Variants in PML observed in about 807,000 individuals in gnomAD.
The protein encoded by PML is PML nuclear body scaffold.
Under a neutral mutation model 65.2 loss-of-function variants are expected in PML, and 28 were observed. That is an observed-to-expected ratio of 0.43 (90% CI 0.32 to 0.59). PML has a LOEUF of 0.59. PML is among the 20% of genes least tolerant of loss of function. The probability of loss-of-function intolerance (pLI) is 0.08; values close to 1 mark genes in which losing one functional copy is unlikely to be tolerated. For missense variants in PML, 1,021 were observed against 1,203.4 expected, an observed-to-expected ratio of 0.85 and a Z score of 2.24; for synonymous variants, 500 against 508.8, an observed-to-expected ratio of 0.98 and a Z score of 0.23.
chr15:74,004,571 G>A (rs1415421583), intron 2 of PML, among the ~76,000 whole-genome samples: 1 of 152,138 alleles, frequency 6.6e-6, no homozygotes, highest in Non-Finnish European at 1.5e-5. Flanking sequence ...AAAGCACTGG[G>A]ATTACAGGCT....
At position 74,035,567 on chromosome 15, in the gene PML, C is replaced by T. The variant is rs1035953351; in HGVS notation, c.1710+1037C>T. On this transcript the variant is annotated intron_variant, in intron 7 of 8. Coordinates refer to ENST00000268058, the MANE Select transcript of PML (RefSeq NM_033238.3). This position sits in a 1 kb window ranked among gnomAD's most constrained non-coding sequence, Gnocchi z 4.1. The stretch of plus-strand genomic sequence containing the variant: ...GCACTCCTGCCATCACAGGGCCCCT[C>T]AACCATCCTGCCAATGCCCAGGAAC... 4.3e-6 allele frequency: 7 copies of T among 1,611,292 alleles called. No individual in the cohort carries two copies. Among genetic ancestry groups the T allele is most frequent in the Non-Finnish European group, 5.1e-6 (6 of 1,179,720 alleles).
chr15:74,024,365 A>C (rs2070980530), intron 3 of PML, among the ~76,000 whole-genome samples: 1 of 152,198 alleles, frequency 6.6e-6, no homozygotes, highest in Non-Finnish European at 1.5e-5. Flanking sequence ...ACCCATATTA[A>C]GGAAATGACC....
intron 4 of PML, among the ~76,000 whole-genome samples, chr15:74,031,115 C>T (rs891391118): frequency 3.9e-5 from 6 of 152,042 alleles, no homozygotes. Flanking sequence ...AAGGAAACCC[C>T]TTACCCATGA....
In PML at chr15:74,043,315, G is replaced by A; in HGVS notation, c.1861+176G>A. Reference sequence around the variant, plus strand: ...TGGGCTCCTGGCGTGTCATTTGCTGGCTTGAATAAAGATGTCCGCCTTATC... The same window carrying A: ...TGGGCTCCTGGCGTGTCATTTGCTGACTTGAATAAAGATGTCCGCCTTATC... On this transcript the variant is annotated intron_variant, in intron 8 of 8. Transcript: ENST00000268058. The surrounding 1 kb of genome is among the most constrained non-coding windows in gnomAD (Gnocchi z 4.3). The A allele has an allele frequency of 6.8e-7, 1 of 1,477,820 alleles. No homozygotes were observed. The highest frequency in any genetic ancestry group is 1.4e-5 in the African/African-American group (1 of 70,822). The allele number at this position is 1,477,820 out of a possible 1,614,324, so 91.5% of individuals were successfully genotyped here.
In PML at chr15:74,045,966, G is replaced by C. The variant is rs189873833; in HGVS notation, c.*958G>C. Reference sequence around the variant, plus strand: ...TGGTGCATGCTCAAGTTTGAGAACCGCTGCTCTCATAGACTGCTCCTCCAA... The same window carrying C: ...TGGTGCATGCTCAAGTTTGAGAACCCCTGCTCTCATAGACTGCTCCTCCAA... On this transcript the variant is annotated 3_prime_UTR_variant, in exon 9 of 9. Transcript: ENST00000268058. 54 of 232,198 alleles carry C rather than the reference G, an allele frequency of 2.3e-4. No individual in the cohort carries two copies. Among genetic ancestry groups the C allele is most frequent in the Non-Finnish European group, 4.1e-4 (48 of 117,484 alleles). 14.4% of individuals were successfully genotyped at this position (232,198 alleles called of 1,614,324 possible). A position where few individuals can be genotyped will look rare whatever the true frequency, so the allele number is the denominator to read the frequency against.
intron 2 of PML, among the ~76,000 whole-genome samples, chr15:74,000,608 C>T (rs576344560): frequency 6.6e-6 from 1 of 152,266 alleles, no homozygotes; most frequent in South Asian, 2.1e-4. Flanking sequence ...GTACCCATCC[C>T]CTCCTGTATA....
intron 7 of PML, chr15:74,036,957 G>A (rs549230346): frequency 2.2e-5 from 22 of 985,302 alleles, no homozygotes; most frequent in East Asian, 2.3e-4. Flanking sequence ...CTCCAGCCCC[G>A]CGCACTCCCC....
rs1258741942 is a variant in PML, at chr15:74,001,439, A to G, written c.602+2963A>G. On this transcript the variant is annotated intron_variant, in intron 2 of 8. Coordinates refer to ENST00000268058, the MANE Select transcript of PML (RefSeq NM_033238.3). ...ACTGCAACCTGTGCCTCCTGGGTTCAAGTGATTCTCCTGCCTCAGCCTCCC... is the reference window on the plus strand; with the variant it reads ...ACTGCAACCTGTGCCTCCTGGGTTCGAGTGATTCTCCTGCCTCAGCCTCCC... Among the ~76,000 whole-genome samples, 7 of 152,056 alleles carry G rather than the reference A, an allele frequency of 4.6e-5. No homozygotes were observed. The East Asian group carries it at 1.4e-3, about 29-fold the overall frequency.
chr15:74,042,917 C>G lies in PML; in HGVS notation c.1711-72C>G. On this transcript the variant is annotated intron_variant, in intron 7 of 8. Coordinates refer to ENST00000268058, the MANE Select transcript of PML (RefSeq NM_033238.3). This position sits in a 1 kb window ranked among gnomAD's most constrained non-coding sequence, Gnocchi z 5.3. The stretch of plus-strand genomic sequence containing the variant: ...ACGCAGATGCTCCCAGCTATACCAG[C>G]TTGCTAGTGTTCTGCACAGGTGCTT... The G allele has an allele frequency of 6.2e-7, 1 of 1,610,832 alleles. No individual in the cohort carries two copies. Among genetic ancestry groups the G allele is most frequent in the Non-Finnish European group, 8.5e-7 (1 of 1,179,888 alleles).
chr15:74,032,638 G>A lies in PML; in HGVS notation c.1321G>A (p.Ala441Thr). The change falls in exon 5 of 9, where the codon GCT (alanine) becomes ACT (threonine). Residue 441 changes from alanine (A) to threonine (T), a missense_variant. Ala to Thr is a moderately conservative substitution (Grantham distance 58). Transcript: ENST00000268058. The stretch of plus-strand genomic sequence containing the variant: ...GGGGCTGGCTGAAGCCCAGCCTATG[G>A]CTGTGGTACAGTCAGTGCCCGGGGC... ...ALGLAEAQPM[A>T]VVQSVPGAHP... is the part of the protein sequence containing the mutation. The A allele has an allele frequency of 6.2e-7, 1 of 1,614,130 alleles. No individual in the cohort carries two copies. The highest frequency in any genetic ancestry group is 8.5e-7 in the Non-Finnish European group (1 of 1,179,962).
At chr15:74,002,896 C>T (rs965142667) in intron 2 of PML, among the ~76,000 whole-genome samples, 8 of 152,108 alleles carry the variant, frequency 5.3e-5, no homozygotes, top group African/African-American at 1.9e-4. Context: ...GAGGCCAAGG[C>T]CGGTGGATAT....
chr15:74,011,575 C>T (rs763334313), intron 2 of PML, among the ~76,000 whole-genome samples: 118 of 152,122 alleles, frequency 7.8e-4, no homozygotes, highest in Non-Finnish European at 7.3e-4. Flanking sequence ...ACACCCTGAC[C>T]CCTTGGTGCC....
chr15:74,022,747 G>T, intron 2 of PML, 81 bp from the exon 3 acceptor site: 1 of 1,107,554 alleles, frequency 9.0e-7, no homozygotes. Context: ...TGGTATTTTT[G>T]GAAGAGGAAT....
rs1419713624 is a variant in PML at position 74,032,721 on chromosome 15, G to A, written c.1398+6G>A. On this transcript the variant is annotated splice_donor_region_variant and intron_variant, in intron 5 of 8. Transcript: ENST00000268058. ...AAGGCCCTTCCTATGGAGAGGTAAG[G>A]TTCTCCCCAGCCCCAGCCTTCCCTC... 1.9e-6 allele frequency: 3 copies of A among 1,614,062 alleles called. No homozygotes were observed. The highest frequency in any genetic ancestry group is 1.1e-5 in the South Asian group (1 of 91,088).
rs571571850 is a variant in PML at position 74,037,529 on chromosome 15, G to A, written c.1710+2999G>A. On this transcript the variant is annotated intron_variant, in intron 7 of 8. Coordinates refer to ENST00000268058, the MANE Select transcript of PML (RefSeq NM_033238.3). This position sits in a 1 kb window ranked among gnomAD's most constrained non-coding sequence, Gnocchi z 4.2. Reference sequence around the variant, plus strand: ...CACCCACTTCTCTCTCCAGCTGTCGGCTCCCCTTCCTCTGCTCTCCTTGTT... The same window carrying A: ...CACCCACTTCTCTCTCCAGCTGTCGACTCCCCTTCCTCTGCTCTCCTTGTT... 4.1e-6 allele frequency: 4 copies of A among 985,154 alleles called. No homozygotes were observed. In the African/African-American group the frequency reaches 7.0e-5, roughly 17 times the overall value. The allele number at this position is 985,154 out of a possible 1,614,324, so 61.0% of individuals were successfully genotyped here. A position where few individuals can be genotyped will look rare whatever the true frequency, so the allele number is the denominator to read the frequency against.
Position 73,998,224 on chromosome 15 carries a change from C to A in PML, c.350C>A (p.Ser117Ter). The change falls in exon 2 of 9, where the codon TCG (serine) becomes TAG (stop). Residue 117 changes from serine to a stop codon, truncating the protein, a stop_gained. Transcript: ENST00000268058. LOFTEE classifies it high-confidence loss of function. ...TTCGAGAGTCTGCAGCGGCGCCTGTCGGTGTACCGGCAGATTGTGGATGCG... is the reference window on the plus strand; with the variant it reads ...TTCGAGAGTCTGCAGCGGCGCCTGTAGGTGTACCGGCAGATTGTGGATGCG... ...VFFESLQRRL[S>*]VYRQIVDAQA... The A allele has an allele frequency of 6.2e-7, 1 of 1,614,236 alleles. No individual in the cohort carries two copies. Among genetic ancestry groups the A allele is most frequent in the Non-Finnish European group, 8.5e-7 (1 of 1,180,038 alleles).
chr15:74,038,383 G>A (rs2071620477), intron 7 of PML, among the ~76,000 whole-genome samples: 1 of 152,122 alleles, frequency 6.6e-6, no homozygotes, highest in African/African-American at 2.4e-5. Flanking sequence ...CACATTTCAG[G>A]TGATGATGAA....
At chr15:74,033,004 G>A in intron 5 of PML, 152 bp from the exon 6 acceptor site, 3 of 855,982 alleles carry the variant, frequency 3.5e-6, no homozygotes, top group Admixed American at 2.0e-5. Context: ...AAGGCTTCCT[G>A]TCTGAAGAGA....
intron 2 of PML, among the ~76,000 whole-genome samples, chr15:74,006,506 G>A (rs2070063277): frequency 1.3e-5 from 2 of 151,972 alleles, no homozygotes. Context: ...CCAGAGATGA[G>A]TAACTCAAAG....
Sources: gnomAD v4.1 joint callset for allele counts (sites outside exome capture counted in the v4.1 genomes callset) on GRCh38, gnomAD v4.1.1 for gene constraint, Gnocchi (gnomAD v3.1) non-coding constraint, MANE v1.5 for transcripts, NCBI Gene and HGNC (gene_info 2026-07-23, HGNC 2026-07-21) for gene names.